Variants in XCR1 observed in about 807,000 individuals in gnomAD.
The protein encoded by XCR1 is X-C motif chemokine receptor 1, also known as chemokine XC receptor 1.
For synonymous variants in XCR1, 187 were observed against 188.5 expected (o/e 0.99, Z 0.06); for missense variants, 356 against 424.2 (o/e 0.84, Z 1.41).
At chr3:46,026,196 T>G (rs1708283869) in intron 1 of XCR1, among the ~76,000 whole-genome samples, 1 of 152,240 alleles carries the variant, frequency 6.6e-6, no homozygotes, top group Admixed American at 6.5e-5. Flanking sequence ...TCATTTTTTT[T>G]GCTGGTTATT....
At chr3:46,038,030 G>GT (rs368953503) in intron 5 of XCR1, among the ~76,000 whole-genome samples, 36,813 of 122,872 alleles carry the variant, frequency 0.3, 5,255 homozygotes, top group East Asian at 0.58. Context: ...TTTGTTTTTT[G>GT]TTTTTTTTTT....
chr3:46,080,459 G>A (rs914058508), intron 1 of XCR1, among the ~76,000 whole-genome samples: 4 of 152,194 alleles, frequency 2.6e-5, no homozygotes, highest in Non-Finnish European at 2.9e-5. Context: ...CTACTTGGGA[G>A]GCTGAGGCAT....
Position 46,052,727 on chromosome 3 carries a change from G to A in XCR1, c.-32+1193C>T, listed in dbSNP as rs74481436. Among the ~76,000 whole-genome samples the A allele has an allele frequency of 1.3e-3, 201 of 152,326 alleles. 6 individuals carry two copies. The East Asian group carries it at 0.038, about 29-fold the overall frequency. On this transcript the variant is annotated intron_variant, in intron 5 of 5. Transcript: ENST00000683768. Reference sequence around the variant, plus strand: ...CTTTGTACACCTCACCGGTGCCAGTGCGCGTTCATAATCTGCGTTTGCATT... The same window carrying A: ...CTTTGTACACCTCACCGGTGCCAGTACGCGTTCATAATCTGCGTTTGCATT...
intron 1 of XCR1, among the ~76,000 whole-genome samples, chr3:46,082,719 G>A (rs1308166439): frequency 6.6e-6 from 1 of 151,880 alleles, no homozygotes; most frequent in Non-Finnish European, 1.5e-5. Context: ...CAAACTCCTG[G>A]CCTTAAGTAA....
rs540176632 is a variant in XCR1, at chr3:46,048,566, A to C, written c.-32+5354T>G. On this transcript the variant is annotated intron_variant, in intron 5 of 5. Transcript: ENST00000683768. ...ATGGTTGGCCACCCTGGGTTCCTCTAGTCTCCCATTATGTGGTCGCATGCA... is the reference window on the plus strand; with the variant it reads ...ATGGTTGGCCACCCTGGGTTCCTCTCGTCTCCCATTATGTGGTCGCATGCA... Among the ~76,000 whole-genome samples the C allele has an allele frequency of 8.0e-4, 121 of 152,056 alleles. 1 individual carries two copies. Among genetic ancestry groups the C allele is most frequent in the African/African-American group, 2.9e-3 (120 of 41,466 alleles).
Position 46,065,496 on chromosome 3 carries a change from C to A in XCR1, c.-183+1403G>T, listed in dbSNP as rs550881254. 3.9e-5 allele frequency among the ~76,000 whole-genome samples: 6 copies of A among 152,348 alleles called. No homozygotes were observed. The East Asian group carries it at 9.6e-4, about 24-fold the overall frequency. On this transcript the variant is annotated intron_variant, in intron 4 of 5. Coordinates refer to the XCR1 transcript ENST00000683768. ...CAGCTGAGCTGTTCTGGGCCACCTG[C>A]CAAATATCATATGATACTCCCTTGA...
At position 46,021,147 on chromosome 3, in the gene XCR1, G is replaced by A. The variant is rs769812816; in HGVS notation, c.801C>T (p.Tyr267=). The change falls in exon 2 of 2, where the codon TAC becomes TAT. Residue 267 remains tyrosine, a synonymous_variant. Transcript: ENST00000309285. This position sits in a 1 kb window ranked among gnomAD's most constrained non-coding sequence, Gnocchi z 4.7. The part of the protein sequence containing the change: ...RSCEAKQQLE[Y]ALLICRNLAF... ...CGAGGTTGCGGCAGATGAGCAGGGCGTATTCTAGCTGCTGTTTGGCCTCGC... is the reference window on the plus strand; with the variant it reads ...CGAGGTTGCGGCAGATGAGCAGGGCATATTCTAGCTGCTGTTTGGCCTCGC... 9 of 1,614,122 alleles carry A rather than the reference G, an allele frequency of 5.6e-6. No individual in the cohort carries two copies. The highest frequency in any genetic ancestry group is 4.4e-5 in the South Asian group (4 of 91,094).
At chr3:46,045,607 T>C (rs549833112) in intron 5 of XCR1, among the ~76,000 whole-genome samples, 3 of 152,250 alleles carry the variant, frequency 2.0e-5, no homozygotes, top group Admixed American at 6.5e-5. Flanking sequence ...TAGAAATATA[T>C]GAGAACTTCC....
Position 46,083,538 on chromosome 3 carries a change from G to A in XCR1, c.-515+2256C>T, listed in dbSNP as rs373996437. ...TATCTGGCTGGCCATCAAGAAGATAGCTCCATGCATTTTTTTTTCTTTGAG... is the reference window on the plus strand; with the variant it reads ...TATCTGGCTGGCCATCAAGAAGATAACTCCATGCATTTTTTTTTCTTTGAG... On this transcript the variant is annotated intron_variant, in intron 1 of 5. Transcript: ENST00000683768. Among the ~76,000 whole-genome samples, 5 of 151,932 alleles carry A rather than the reference G, an allele frequency of 3.3e-5. No homozygotes were observed. The East Asian group carries it at 9.6e-4, about 29-fold the overall frequency.
intron 5 of XCR1, among the ~76,000 whole-genome samples, chr3:46,053,851 A>T (rs922458488): frequency 6.6e-6 from 1 of 152,108 alleles, no homozygotes; most frequent in African/African-American, 2.4e-5. Context: ...TGTTACCCTG[A>T]TTCAGAAAAC....
intron 4 of XCR1, among the ~76,000 whole-genome samples, chr3:46,058,538 C>T (rs1697896953): frequency 6.7e-6 from 1 of 149,730 alleles, no homozygotes; most frequent in South Asian, 2.1e-4. Context: ...CACAACGTTG[C>T]AGGGCATCTT....
At chr3:46,063,415 A>T (rs1698003952) in intron 4 of XCR1, among the ~76,000 whole-genome samples, 1 of 152,204 alleles carries the variant, frequency 6.6e-6, no homozygotes, top group African/African-American at 2.4e-5. Context: ...ACCCCAGTCC[A>T]GCAGAGACGA....
At chr3:46,044,874 G>C (rs1697596273) in intron 5 of XCR1, among the ~76,000 whole-genome samples, 1 of 152,100 alleles carries the variant, frequency 6.6e-6, no homozygotes, top group African/African-American at 2.4e-5. Context: ...CTGTCCAAAA[G>C]GTATCCAGCC....
chr3:46,064,114 C>T (rs1375731655), intron 4 of XCR1, among the ~76,000 whole-genome samples: 2 of 152,158 alleles, frequency 1.3e-5, no homozygotes, highest in South Asian at 2.1e-4. Flanking sequence ...CTCAAGTGAT[C>T]CTCCCACCTT....
intron 5 of XCR1, among the ~76,000 whole-genome samples, chr3:46,035,783 C>A (rs529187381): frequency 1.3e-5 from 2 of 152,322 alleles, no homozygotes; most frequent in Admixed American, 6.5e-5. Flanking sequence ...ACAAGCCCAA[C>A]TGACAGTGAG....
chr3:46,048,449 G>C (rs186928313), intron 5 of XCR1, among the ~76,000 whole-genome samples: 1 of 152,106 alleles, frequency 6.6e-6, no homozygotes, highest in Non-Finnish European at 1.5e-5. Flanking sequence ...CAGGTTACGG[G>C]GGTTGATGTC....
intron 1 of XCR1, chr3:46,023,325 G>A (rs945916224): frequency 1.7e-5 from 18 of 1,089,886 alleles, no homozygotes; most frequent in Non-Finnish European, 1.9e-5. Context: ...CCCTCAACCT[G>A]GCTCATCAGC....
intron 5 of XCR1, among the ~76,000 whole-genome samples, chr3:46,044,613 C>T (rs1399097481): frequency 1.3e-5 from 2 of 151,970 alleles, no homozygotes; most frequent in Non-Finnish European, 2.9e-5. Context: ...AATCTCTAGA[C>T]CAGCTTACAC....
intron 5 of XCR1, among the ~76,000 whole-genome samples, chr3:46,033,161 C>T (rs1708431360): frequency 6.6e-6 from 1 of 151,732 alleles, no homozygotes; most frequent in South Asian, 2.1e-4. Flanking sequence ...TTTTCTTTCA[C>T]AGTATTGTAT....
Sources: gnomAD v4.1 joint callset for allele counts (sites outside exome capture counted in the v4.1 genomes callset) on GRCh38, gnomAD v4.1.1 for gene constraint, Gnocchi (gnomAD v3.1) non-coding constraint, MANE v1.5 for transcripts, NCBI Gene and HGNC (gene_info 2026-07-23, HGNC 2026-07-21) for gene names.